Variants in FSD2 observed in about 807,000 individuals in gnomAD.
The protein encoded by FSD2 is fibronectin type III and SPRY domain-containing protein 2.
Under a neutral mutation model 80.4 loss-of-function variants are expected in FSD2, and 71 were observed. The ratio of observed to expected loss-of-function variants is 0.88; its 90% CI spans 0.73 to 1.08. FSD2 has a LOEUF of 1.08. Ranked by LOEUF, FSD2 falls within the 50% of genes least tolerant of loss-of-function variation. The pLI is 0.00. For missense variants in FSD2, 923 were observed against 913.8 expected (o/e 1.01, Z -0.13); for synonymous variants, 361 against 329.5 (o/e 1.10, Z -1.03).
At chr15:82,789,208 A>T (rs1345689031) in intron 1 of FSD2, among the ~76,000 whole-genome samples, 1 of 152,122 alleles carries the variant, frequency 6.6e-6, no homozygotes, top group African/African-American at 2.4e-5. Context: ...CATAGAATAC[A>T]AAGCAGCCTT....
intron 3 of FSD2, among the ~76,000 whole-genome samples, chr15:82,785,861 T>G (rs894794032): frequency 2.6e-5 from 4 of 151,958 alleles, no homozygotes; most frequent in Non-Finnish European, 5.9e-5. Flanking sequence ...ATGCACCAGA[T>G]AGCAACCCGG....
At chr15:82,792,779 T>G (rs1377578493) in intron 1 of FSD2, among the ~76,000 whole-genome samples, 3 of 152,218 alleles carry the variant, frequency 2.0e-5, no homozygotes, top group Non-Finnish European at 4.4e-5. Context: ...ATTACAGGCA[T>G]GAGCCACCGT....
At chr15:82,764,919 T>C (rs116084311) in intron 11 of FSD2, among the ~76,000 whole-genome samples, 232 of 152,142 alleles carry the variant, frequency 1.5e-3, no homozygotes, top group African/African-American at 5.5e-3. Context: ...CCAGGGACCA[T>C]GCCCTCCCAG....
At chr15:82,763,684 A>G (rs2049341654) in intron 11 of FSD2, among the ~76,000 whole-genome samples, 2 of 151,836 alleles carry the variant, frequency 1.3e-5, no homozygotes, top group African/African-American at 4.8e-5. Context: ...TCTGTTTCCC[A>G]TCTGCCTTTG....
At position 82,805,555 on chromosome 15, in the gene FSD2, GAA is replaced by G. The variant is rs202191244; in HGVS notation, c.-79+409_-79+410del. On this transcript the variant is annotated intron_variant, in intron 1 of 12. Transcript: ENST00000334574. ...TTTTTTAGTATTTGAATCAATGCAT[GAA>G]GTTATTATTTTTCAGCATGTACACA... Among the ~76,000 whole-genome samples the G allele has an allele frequency of 9.5e-3, 1,440 of 152,302 alleles. 18 individuals are homozygous for G. Among genetic ancestry groups the G allele is most frequent in the African/African-American group, 0.033 (1,370 of 41,558 alleles).
intron 12 of FSD2, among the ~76,000 whole-genome samples, chr15:82,761,104 G>T (rs958882157): frequency 1.3e-5 from 2 of 152,138 alleles, no homozygotes; most frequent in African/African-American, 4.8e-5. Context: ...GGGGAAGTTG[G>T]TTTTCCCACT....
intron 1 of FSD2, among the ~76,000 whole-genome samples, chr15:82,792,891 TG>T (rs955748118): frequency 6.6e-6 from 1 of 152,206 alleles, no homozygotes; most frequent in African/African-American, 2.4e-5. Flanking sequence ...CCTGTAGTTT[TG>T]GGGTTTTTTT....
intron 1 of FSD2, among the ~76,000 whole-genome samples, chr15:82,794,089 T>A (rs1036071389): frequency 6.6e-6 from 1 of 152,058 alleles, no homozygotes; most frequent in Non-Finnish European, 1.5e-5. Context: ...TGATTTGAGA[T>A]CTTTCTTCTT....
At chr15:82,791,416 G>T (rs1009208403) in intron 1 of FSD2, among the ~76,000 whole-genome samples, 19 of 151,842 alleles carry the variant, frequency 1.3e-4, no homozygotes, top group African/African-American at 4.1e-4. Context: ...TGTCACCCAG[G>T]CTGGAGTGCA....
intron 9 of FSD2, 38 bp downstream of exon 9, chr15:82,768,842 C>G: frequency 7.0e-7 from 1 of 1,420,328 alleles, no homozygotes; most frequent in South Asian, 2.0e-5. Flanking sequence ...TATCAGGTGT[C>G]AGGGCTCTCG....
At chr15:82,768,803 C>G in intron 9 of FSD2, 77 bp downstream of exon 9, 1 of 1,264,576 alleles carries the variant, frequency 7.9e-7, no homozygotes. Flanking sequence ...TCTCTTCAGA[C>G]TCCGTATACT....
chr15:82,767,423 A>G (rs936749487), intron 9 of FSD2, among the ~76,000 whole-genome samples: 4 of 152,154 alleles, frequency 2.6e-5, no homozygotes, highest in Non-Finnish European at 5.9e-5. Context: ...ATGTGGTGGG[A>G]TCTTGAGAGG....
intron 3 of FSD2, among the ~76,000 whole-genome samples, chr15:82,783,439 G>T (rs1265511032): frequency 6.6e-6 from 1 of 152,148 alleles, no homozygotes; most frequent in Non-Finnish European, 1.5e-5. Context: ...GTGCCTATCA[G>T]AACTATTTTA....
chr15:82,787,848 C>T (rs2050041266), intron 1 of FSD2, among the ~76,000 whole-genome samples: 1 of 152,010 alleles, frequency 6.6e-6, no homozygotes, highest in Non-Finnish European at 1.5e-5. Context: ...GGCATGATCT[C>T]GGCTGACTGC....
intron 9 of FSD2, among the ~76,000 whole-genome samples, chr15:82,767,583 A>G (rs1207498319): frequency 6.6e-6 from 1 of 152,204 alleles, no homozygotes; most frequent in Non-Finnish European, 1.5e-5. Flanking sequence ...CAGGTTACTG[A>G]CCAGCCCTCT....
chr15:82,794,495 A>G (rs1194656732), intron 1 of FSD2, among the ~76,000 whole-genome samples: 1 of 152,144 alleles, frequency 6.6e-6, no homozygotes, highest in Non-Finnish European at 1.5e-5. Flanking sequence ...GATGTCTGTT[A>G]GGTGCATTTG....
intron 1 of FSD2, among the ~76,000 whole-genome samples, chr15:82,800,696 A>AAAAAAG (rs2050390947): frequency 6.9e-6 from 1 of 145,702 alleles, no homozygotes; most frequent in African/African-American, 2.5e-5. Flanking sequence ...TGTCTCAAAA[A>AAAAAAG]AAAAAAAAAA....
chr15:82,805,053 A>G (rs1395986605), intron 1 of FSD2, among the ~76,000 whole-genome samples: 2 of 152,290 alleles, frequency 1.3e-5, no homozygotes, highest in East Asian at 3.9e-4. Context: ...TGCCAAGGGA[A>G]GCAGTTAAAA....
intron 6 of FSD2, among the ~76,000 whole-genome samples, chr15:82,773,174 G>A (rs184417376): frequency 2.6e-4 from 39 of 152,248 alleles, no homozygotes; most frequent in African/African-American, 8.7e-4. Context: ...TTCTCCCATG[G>A]CAGCATCTCC....
Sources: gnomAD v4.1 joint callset for allele counts (sites outside exome capture counted in the v4.1 genomes callset) on GRCh38, gnomAD v4.1.1 for gene constraint, MANE v1.5 for transcripts, NCBI Gene and HGNC (gene_info 2026-07-23, HGNC 2026-07-21) for gene names.